Variants in DIPK1C observed in about 807,000 individuals in gnomAD.
DIPK1C encodes the protein familial non-conventional Alzheimer's dementia.
In DIPK1C, 33 loss-of-function variants were observed where a neutral mutation model predicts 28.0. The ratio of observed to expected loss-of-function variants is 1.18; its 90% CI spans 0.89 to 1.58. DIPK1C has a LOEUF of 1.58. Ranked by LOEUF, DIPK1C falls within the 40% of genes most tolerant of loss-of-function variation. The pLI, the probability that DIPK1C is intolerant of heterozygous loss-of-function variation, is 0.00. For synonymous variants in DIPK1C, 255 were observed against 248.8 expected, an observed-to-expected ratio of 1.02 and a Z score of -0.23; for missense variants, 569 against 568.5, an observed-to-expected ratio of 1.00 and a Z score of -0.01.
chr18:74,445,510 T>A (rs1446940332), intron 2 of DIPK1C, among the ~76,000 whole-genome samples: 1 of 152,200 alleles, frequency 6.6e-6, no homozygotes, highest in African/African-American at 2.4e-5. Flanking sequence ...CGGCAGCAAA[T>A]TTAGTTTTCC....
intron 1 of DIPK1C, among the ~76,000 whole-genome samples, chr18:74,449,761 T>A (rs2288264): frequency 6.6e-6 from 1 of 151,820 alleles, no homozygotes. Flanking sequence ...ACCCACATCC[T>A]TTAGGAAGTT....
chr18:74,446,877 A>C lies in DIPK1C; in HGVS notation c.605T>G (p.Leu202Arg), dbSNP rs1417738005. The part of the protein sequence containing the change: ...QQEEYVYFSL[L>R]QDLSPHVLPV... ...CAGCACGTGTGGGCTCAGGTCCTGC[A>C]GCAGGCTGAAGTAGACGTACTCCTC... Residue 202 changes from leucine (L) to arginine (R), a missense_variant, in exon 2 of 4, where the codon CTG becomes CGG. Transcript: ENST00000343998. 6.6e-7 allele frequency: 1 copy of C among 1,520,022 alleles called. No individual in the cohort carries two copies. The highest frequency in any genetic ancestry group is 8.9e-7 in the Non-Finnish European group (1 of 1,129,320). The allele number at this position is 1,520,022 out of a possible 1,614,324, so 94.2% of individuals were successfully genotyped here.
rs1413184318 is a variant in DIPK1C at position 74,442,008 on chromosome 18, T to C, written c.985A>G (p.Arg329Gly). The stretch of plus-strand genomic sequence containing the variant: ...CATTTGTTGACTCGTAAATCACATC[T>C]TGAAAAACAGTCAAAGAAATTGCAG... Reference protein sequence around the residue: ...EDCNFFDCFSRCDLRVNKCGA... With the variant: ...EDCNFFDCFSGCDLRVNKCGA... The change falls in exon 3 of 4, where the codon AGA (arginine) becomes GGA (glycine). Residue 329 changes from arginine (R) to glycine (G), a missense_variant. Arg to Gly is a moderately radical substitution (Grantham distance 125). Coordinates refer to ENST00000343998, the MANE Select transcript of DIPK1C (RefSeq NM_001044369.3). 1.2e-6 allele frequency: 2 copies of C among 1,614,222 alleles called. No homozygotes were observed. The highest frequency in any genetic ancestry group is 1.7e-6 in the Non-Finnish European group (2 of 1,180,022).
intron 3 of DIPK1C, among the ~76,000 whole-genome samples, chr18:74,437,185 G>A (rs2144509154): frequency 6.6e-6 from 1 of 152,326 alleles, no homozygotes; most frequent in East Asian, 1.9e-4. Context: ...ATGACCATCT[G>A]ACCGGGCTGT....
At chr18:74,454,261 G>A (rs986654518) in intron 1 of DIPK1C, among the ~76,000 whole-genome samples, 19 of 152,194 alleles carry the variant, frequency 1.2e-4, no homozygotes, top group African/African-American at 4.6e-4. Flanking sequence ...CTAGAAACTT[G>A]TCAGGGGGGT....
chr18:74,437,896 T>C (rs189824384), intron 3 of DIPK1C, among the ~76,000 whole-genome samples: 92 of 152,308 alleles, frequency 6.0e-4, no homozygotes, highest in African/African-American at 2.2e-3. Flanking sequence ...CCAAATTGAT[T>C]TCTTTTTCTT....
Position 74,452,799 on chromosome 18 carries a change from G to GT in DIPK1C, c.198+4262dup, listed in dbSNP as rs67922821. Among the ~76,000 whole-genome samples, 1,156 of 151,288 alleles carry GT rather than the reference G, an allele frequency of 7.6e-3. 10 individuals carry two copies. The highest frequency in any genetic ancestry group is 0.024 in the African/African-American group (978 of 41,224). The stretch of plus-strand genomic sequence containing the variant: ...CAGCATGTCCTGTTGAAATAGCTGG[G>GT]TTTTTTTTTAACTCAATAGAAGTTG... On this transcript the variant is annotated intron_variant, in intron 1 of 3. Coordinates refer to ENST00000343998, the MANE Select transcript of DIPK1C (RefSeq NM_001044369.3).
At chr18:74,457,357 G>A (rs1234031050), upstream of DIPK1C, 24 of 898,272 alleles carry the variant, frequency 2.7e-5, no homozygotes, top group East Asian at 2.4e-4. Context: ...GGCGGGGAGG[G>A]GGAACGGGGG....
intron 1 of DIPK1C, among the ~76,000 whole-genome samples, chr18:74,455,693 A>C (rs1410798576): frequency 3.0e-5 from 4 of 134,396 alleles, no homozygotes; most frequent in Non-Finnish European, 6.2e-5. Flanking sequence ...ACGCCATTGC[A>C]CTTTAGCCTG....
chr18:74,445,044 A>G (rs1428183453), intron 2 of DIPK1C, among the ~76,000 whole-genome samples: 1 of 152,090 alleles, frequency 6.6e-6, no homozygotes, highest in Non-Finnish European at 1.5e-5. Flanking sequence ...AAATTCCCTC[A>G]ACAATTACAG....
chr18:74,459,695 T>C (rs145663680), upstream of DIPK1C, among the ~76,000 whole-genome samples: 1 of 152,344 alleles, frequency 6.6e-6, no homozygotes, highest in East Asian at 1.9e-4. Context: ...CCATGAGGAC[T>C]GGTGAAATAA....
At chr18:74,441,904 C>T (rs774581719) in intron 3 of DIPK1C, 48 bp downstream of exon 3, 2 of 1,585,604 alleles carry the variant, frequency 1.3e-6, no homozygotes, top group East Asian at 2.2e-5. Flanking sequence ...CGGGCAGAAA[C>T]AGCCAAAGAG....
intron 3 of DIPK1C, among the ~76,000 whole-genome samples, chr18:74,438,460 C>T (rs1423619229): frequency 1.3e-5 from 2 of 152,138 alleles, no homozygotes; most frequent in East Asian, 3.9e-4. Context: ...TAAATTGACT[C>T]CATAAAATTT....
chr18:74,455,594 G>C (rs972628433), intron 1 of DIPK1C, among the ~76,000 whole-genome samples: 1 of 152,056 alleles, frequency 6.6e-6, no homozygotes, highest in South Asian at 2.1e-4. Context: ...AGTTCGAGAC[G>C]AGCCTGACCA....
At position 74,436,389 on chromosome 18, in the gene DIPK1C, A is replaced by G. The variant is rs566686869; in HGVS notation, c.*112T>C. 13 of 1,087,994 alleles carry G rather than the reference A, an allele frequency of 1.2e-5. No homozygotes were observed. In the South Asian group the frequency reaches 1.9e-4, roughly 16 times the overall value. The allele number at this position is 1,087,994 out of a possible 1,614,324, so 67.4% of individuals were successfully genotyped here. ...CTTGCCACTCCACAATGTGGAGACC[A>G]GAACGGCACCCCAGAGAGCACAGGG... On this transcript the variant is annotated 3_prime_UTR_variant, in exon 4 of 4. Transcript: ENST00000343998.
chr18:74,444,825 T>G (rs774467348), intron 2 of DIPK1C, among the ~76,000 whole-genome samples: 4 of 152,126 alleles, frequency 2.6e-5, no homozygotes, highest in African/African-American at 4.8e-5. Flanking sequence ...AAACACAGTC[T>G]GGGGCTAGGT....
chr18:74,463,913 T>C, the DIPK1C span, among the ~76,000 whole-genome samples: 4 of 152,196 alleles, frequency 2.6e-5, no homozygotes, highest in Admixed American at 1.3e-4. Flanking sequence ...CTCTTTACTC[T>C]TTGGTGGGCC....
the DIPK1C span, among the ~76,000 whole-genome samples, chr18:74,463,030 G>T: frequency 2.0e-5 from 3 of 152,200 alleles, no homozygotes; most frequent in Admixed American, 2.0e-4. Flanking sequence ...CTGCACAAGA[G>T]GTGAGGAAAA....
At chr18:74,438,572 A>T (rs1986049301) in intron 3 of DIPK1C, among the ~76,000 whole-genome samples, 1 of 152,206 alleles carries the variant, frequency 6.6e-6, no homozygotes, top group African/African-American at 2.4e-5. Context: ...AGGTGGGTGA[A>T]AATGGTTTAA....
Sources: allele counts gnomAD v4.1 joint callset (sites outside exome capture counted in the v4.1 genomes callset), GRCh38; gene constraint gnomAD v4.1.1; transcripts MANE v1.5; gene names NCBI Gene and HGNC (gene_info 2026-07-23, HGNC 2026-07-21).